The following NEK9 variants were observed in gnomAD, a reference collection of about 807,000 sequenced individuals.
NEK9 encodes the protein NIMA related kinase 9.
In NEK9, 75 loss-of-function variants were observed where a neutral mutation model predicts 123.4. The observed-to-expected ratio is 0.61, with a 90% CI of 0.50 to 0.74. The LOEUF is 0.74. NEK9 is among the 30% of genes least tolerant of loss of function. The pLI, the probability that NEK9 is intolerant of heterozygous loss-of-function variation, is 0.00. For synonymous variants in NEK9, 438 were observed against 458.7 expected, an observed-to-expected ratio of 0.95 and a Z score of 0.58; for missense variants, 952 against 1,214.4, an observed-to-expected ratio of 0.78 and a Z score of 3.21.
At chr14:75,106,727 C>T in intron 11 of NEK9, 25 bp from the exon 12 acceptor site, 1 of 1,584,366 alleles carries the variant, frequency 6.3e-7, no homozygotes, top group Non-Finnish European at 8.6e-7. Flanking sequence ...AAAACAGAAT[C>T]CATCAAAGGA....
At chr14:75,100,118 G>A (rs1415564135) in intron 16 of NEK9, among the ~76,000 whole-genome samples, 1 of 86,060 alleles carries the variant, frequency 1.2e-5, no homozygotes, top group Non-Finnish European at 2.1e-5. Flanking sequence ...AATAGAGCAA[G>A]ACTCCATCTC....
At chr14:75,099,540 C>T (rs753842019) in intron 16 of NEK9, among the ~76,000 whole-genome samples, 14 of 151,716 alleles carry the variant, frequency 9.2e-5, no homozygotes, top group Non-Finnish European at 1.9e-4. Context: ...CCAGCACTTT[C>T]GGAGGCCAAG....
At chr14:75,120,826 T>C (rs1895306681) in intron 3 of NEK9, 1 of 585,924 alleles carries the variant, frequency 1.7e-6, no homozygotes, top group African/African-American at 1.9e-5. Context: ...AGCAGACATG[T>C]AGGAAAATTC....
At chr14:75,105,706 C>A (rs1463063756) in intron 13 of NEK9, among the ~76,000 whole-genome samples, 1 of 152,192 alleles carries the variant, frequency 6.6e-6, no homozygotes, top group Non-Finnish European at 1.5e-5. Flanking sequence ...TAGCTGTCAT[C>A]CCTGAGTAAG....
At chr14:75,105,842 A>G in intron 13 of NEK9, 108 bp downstream of exon 13, 2 of 861,628 alleles carry the variant, frequency 2.3e-6, no homozygotes, top group Non-Finnish European at 1.9e-6. Flanking sequence ...AACAGGAAAC[A>G]CTTCGGAAAT....
rs760800874 is a variant in NEK9, at chr14:75,101,686, G to A, written c.1811C>T (p.Pro604Leu). Reference protein sequence around the residue: ...LSFYKIRTIAPGKTHTAAIDE... With the variant: ...LSFYKIRTIALGKTHTAAIDE... The stretch of plus-strand genomic sequence containing the variant: ...AATAGCAGCTGTGTGAGTCTTGCCT[G>A]GGGCAATGGTACGGATCTTATAAAA... Residue 604 changes from proline (P) to leucine (L), a missense_variant, in exon 15 of 22, where the codon CCA becomes CTA. Physicochemically the swap from Pro to Leu is moderately conservative, Grantham distance 98. Transcript: ENST00000238616. 2.5e-6 allele frequency: 4 copies of A among 1,613,624 alleles called. No individual in the cohort carries two copies. The South Asian group carries it at 4.4e-5, about 18-fold the overall frequency.
At chr14:75,117,136 G>A (rs1895168851) in intron 6 of NEK9, 59 bp downstream of exon 6, 6 of 1,562,092 alleles carry the variant, frequency 3.8e-6, no homozygotes, top group Non-Finnish European at 5.2e-6. Context: ...GATCTGCTTA[G>A]TCAAGCTGTA....
intron 12 of NEK9, 62 bp from the exon 13 acceptor site, chr14:75,106,058 C>T (rs773593106): frequency 4.1e-6 from 6 of 1,446,560 alleles, no homozygotes; most frequent in Non-Finnish European, 5.8e-6. Flanking sequence ...TGAATAGGTT[C>T]TGTAAGATTC....
intron 3 of NEK9, 99 bp from the exon 4 acceptor site, chr14:75,120,679 G>T: frequency 1.1e-6 from 1 of 881,106 alleles, no homozygotes; most frequent in Admixed American, 2.4e-5. Context: ...ACTGCAACCA[G>T]AAGTTATGAT....
intron 16 of NEK9, among the ~76,000 whole-genome samples, chr14:75,098,389 T>G (rs746110336): frequency 6.6e-6 from 1 of 152,162 alleles, no homozygotes; most frequent in Non-Finnish European, 1.5e-5. Context: ...TGAATCAGGA[T>G]TGGTCTAAGA....
Position 75,080,689 on chromosome 14 carries a change from G to A in NEK9, c.*3875C>T, listed in dbSNP as rs1893844989. Reference sequence around the variant, plus strand: ...GAGTCTCGCTCTTGTCACCCAGGCTGGAGTGCAGTGGAGTGATCTTGGCCC... The same window carrying A: ...GAGTCTCGCTCTTGTCACCCAGGCTAGAGTGCAGTGGAGTGATCTTGGCCC... On this transcript the variant is annotated 3_prime_UTR_variant, in exon 22 of 22. Transcript: ENST00000238616. The A allele has an allele frequency of 6.6e-6, 1 of 150,420 alleles. No homozygotes were observed. Among genetic ancestry groups the A allele is most frequent in the African/African-American group, 2.4e-5 (1 of 40,834 alleles). 9.3% of individuals were successfully genotyped at this position (150,420 alleles called of 1,614,324 possible).
rs1894060372 is a variant in NEK9 at position 75,087,277 on chromosome 14, T to C, written c.2605-47A>G. On this transcript the variant is annotated intron_variant, in intron 20 of 21. Transcript: ENST00000238616. ...TGCAGGAGGTTCTGCCCAGGTGTCA[T>C]AGCTCCTCAATCCAAACTTCCTCTA... The C allele has an allele frequency of 2.7e-6, 4 of 1,477,092 alleles. No individual in the cohort carries two copies. The East Asian group carries it at 7.1e-5, about 26-fold the overall frequency. The allele number at this position is 1,477,092 out of a possible 1,614,324, so 91.5% of individuals were successfully genotyped here. A position where few individuals can be genotyped will look rare whatever the true frequency, so the allele number is the denominator to read the frequency against.
chr14:75,092,521 C>G (rs1322386820), intron 18 of NEK9, among the ~76,000 whole-genome samples: 3 of 152,250 alleles, frequency 2.0e-5, no homozygotes, highest in Non-Finnish European at 2.9e-5. Context: ...CCCGCCTCGG[C>G]CTCCCAAAGT....
intron 14 of NEK9, among the ~76,000 whole-genome samples, chr14:75,103,530 C>G (rs1341749552): frequency 1.3e-5 from 2 of 152,128 alleles, no homozygotes; most frequent in Non-Finnish European, 2.9e-5. Context: ...AAAACCATTA[C>G]AGATCAAGAT....
chr14:75,114,447 T>G (rs1039453528), intron 6 of NEK9, 134 bp from the exon 7 acceptor site: 4 of 674,976 alleles, frequency 5.9e-6, no homozygotes, highest in Non-Finnish European at 1.0e-5. Flanking sequence ...TTATAACTAC[T>G]AGTATGCATC....
At chr14:75,092,961 T>C (rs1168095558) in intron 18 of NEK9, among the ~76,000 whole-genome samples, 1 of 152,126 alleles carries the variant, frequency 6.6e-6, no homozygotes, top group Non-Finnish European at 1.5e-5. Flanking sequence ...CCAAAGTGAG[T>C]TCTGAAGCTT....
intron 3 of NEK9, 99 bp downstream of exon 3, chr14:75,121,004 GAGTCTGAACAAAAGGA>G (rs760119234): frequency 1.2e-5 from 10 of 834,634 alleles, no homozygotes; most frequent in Non-Finnish European, 1.8e-5. Flanking sequence ...AGCCTGGAAG[GAGTCTGAACAAAAGGA>G]AAAAAACACT....
intron 18 of NEK9, 124 bp downstream of exon 18, chr14:75,095,248 C>G: frequency 1.6e-6 from 1 of 629,184 alleles, no homozygotes; most frequent in Non-Finnish European, 2.8e-6. Flanking sequence ...TCTCTCTTAA[C>G]CACTGTATTC....
intron 5 of NEK9, among the ~76,000 whole-genome samples, chr14:75,118,382 G>A (rs1895210132): frequency 6.6e-6 from 1 of 152,108 alleles, no homozygotes; most frequent in African/African-American, 2.4e-5. Context: ...TGTGAGAAGG[G>A]ACCCCTGTGC....
Sources: allele counts gnomAD v4.1 joint callset (sites outside exome capture counted in the v4.1 genomes callset), GRCh38; gene constraint gnomAD v4.1.1; transcripts MANE v1.5; gene names NCBI Gene and HGNC (gene_info 2026-07-23, HGNC 2026-07-21).